ANKRD49: variants seen among roughly 807,000 people sequenced by gnomAD.
The protein encoded by ANKRD49 is ankyrin repeat domain 49.
ANKRD49 carries 18 observed loss-of-function variants against 19.6 expected under a neutral mutation model. The observed-to-expected ratio is 0.92, with a 90% CI of 0.63 to 1.36. The LOEUF (loss-of-function observed/expected upper bound fraction) is 1.36. Ranked by LOEUF, ANKRD49 falls within the 40% of genes most tolerant of loss-of-function variation. The pLI, the probability that ANKRD49 is intolerant of heterozygous loss-of-function variation, is 0.00. For missense variants in ANKRD49, 218 were observed against 281.6 expected (o/e 0.77, Z 1.62); for synonymous variants, 88 against 101.8 (o/e 0.86, Z 0.82).
At chr11:94,497,852 T>C (rs1387939326) in intron 2 of ANKRD49, 2 of 477,018 alleles carry the variant, frequency 4.2e-6, no homozygotes, top group Non-Finnish European at 7.4e-6. Flanking sequence ...AATCTCATTC[T>C]TAGAAGCAAC....
intron 1 of ANKRD49, among the ~76,000 whole-genome samples, chr11:94,496,281 T>C (rs191641477): frequency 1.3e-5 from 2 of 152,334 alleles, no homozygotes; most frequent in Admixed American, 1.3e-4. Context: ...CCTGTCTTCA[T>C]TGTATTAGTT....
Position 94,496,643 on chromosome 11 carries a change from G to T in ANKRD49, c.-51G>T. ...AGCAGTCATAATTCATCTCTAGAAAGATTTATATCCTGGCATTTGAAATGC... is the reference window on the plus strand; with the variant it reads ...AGCAGTCATAATTCATCTCTAGAAATATTTATATCCTGGCATTTGAAATGC... On this transcript the variant is annotated 5_prime_UTR_variant, in exon 2 of 3. Transcript: ENST00000544612. 6.8e-7 allele frequency: 1 copy of T among 1,467,756 alleles called. No homozygotes were observed. Among genetic ancestry groups the T allele is most frequent in the South Asian group, 1.4e-5 (1 of 73,252 alleles). 90.9% of individuals were successfully genotyped at this position (1,467,756 alleles called of 1,614,324 possible).
chr11:94,495,122 A>G (rs1246031865), intron 1 of ANKRD49, among the ~76,000 whole-genome samples: 1 of 152,212 alleles, frequency 6.6e-6, no homozygotes, highest in Admixed American at 6.5e-5. Context: ...GTTACTGGAC[A>G]TGAGTAATAC....
In ANKRD49 at chr11:94,495,784, G is replaced by T. The variant is rs1250344033; in HGVS notation, c.-90-820G>T. On this transcript the variant is annotated intron_variant, in intron 1 of 2. Transcript: ENST00000544612. Reference sequence around the variant, plus strand: ...TGTATACTCATGGTTTCTAGACAAGGTCTTGTAGTAGTACTTATCATGTTG... The same window carrying T: ...TGTATACTCATGGTTTCTAGACAAGTTCTTGTAGTAGTACTTATCATGTTG... Among the ~76,000 whole-genome samples, 4 of 152,098 alleles carry T rather than the reference G, an allele frequency of 2.6e-5. No individual in the cohort carries two copies. The East Asian group carries it at 7.7e-4, about 29-fold the overall frequency.
At chr11:94,497,763 A>G in intron 2 of ANKRD49, 1 of 269,162 alleles carries the variant, frequency 3.7e-6, no homozygotes, top group Non-Finnish European at 7.0e-6. Flanking sequence ...CAGAAAGCCT[A>G]TGTTATTCAT....
intron 1 of ANKRD49, among the ~76,000 whole-genome samples, chr11:94,496,145 G>A (rs1478687775): frequency 6.6e-6 from 1 of 152,154 alleles, no homozygotes; most frequent in African/African-American, 2.4e-5. Context: ...TGGAACAGAT[G>A]TCCTTTTGGG....
intron 1 of ANKRD49, 56 bp from the exon 2 acceptor site, chr11:94,496,548 A>G: frequency 1.4e-6 from 1 of 713,836 alleles, no homozygotes; most frequent in Non-Finnish European, 2.3e-6. Context: ...TTATCTATGC[A>G]GTTGATAAAG....
At chr11:94,497,645 A>G (rs1313160267) in intron 2 of ANKRD49, 1 of 158,294 alleles carries the variant, frequency 6.3e-6, no homozygotes, top group Non-Finnish European at 1.4e-5. Context: ...TTCTTCTGTT[A>G]AAAGTTTTAT....
rs1000951914 is a variant in ANKRD49, at chr11:94,493,994, C to A, written c.-132C>A. 1 of 152,344 alleles carries A rather than the reference C, an allele frequency of 6.6e-6. No homozygotes were observed. Among genetic ancestry groups the A allele is most frequent in the African/African-American group, 2.4e-5 (1 of 41,464 alleles). 9.4% of individuals were successfully genotyped at this position (152,344 alleles called of 1,614,324 possible). On this transcript the variant is annotated 5_prime_UTR_variant, in exon 1 of 3. Transcript: ENST00000544612. ...AATCCTGAGCAGGCTAGGAGACGAA[C>A]CCGGAAGTGAGATGCAAGGCGGCGA...
At chr11:94,496,240 G>A (rs1947416386) in intron 1 of ANKRD49, among the ~76,000 whole-genome samples, 1 of 152,120 alleles carries the variant, frequency 6.6e-6, no homozygotes, top group African/African-American at 2.4e-5. Context: ...TATATTATCT[G>A]TGTGTCTAGT....
In ANKRD49 at chr11:94,498,818, T is replaced by G. The variant is rs1411869446; in HGVS notation, c.*286T>G. 11 of 366,020 alleles carry G rather than the reference T, an allele frequency of 3.0e-5. No homozygotes were observed. The Admixed American group carries it at 3.1e-4, about 10-fold the overall frequency. 22.7% of individuals were successfully genotyped at this position (366,020 alleles called of 1,614,324 possible). A position where few individuals can be genotyped will look rare whatever the true frequency, so the allele number is the denominator to read the frequency against. On this transcript the variant is annotated 3_prime_UTR_variant, in exon 3 of 3. Coordinates refer to ENST00000544612, the MANE Select transcript of ANKRD49 (RefSeq NM_017704.3). ...CGGGTTGTACAGAAACTGGTATTTT[T>G]GGTGCTGATACAAGAGAAATGTATT...
Position 94,498,663 on chromosome 11 carries a change from A to G in ANKRD49, c.*131A>G. On this transcript the variant is annotated 3_prime_UTR_variant, in exon 3 of 3. Coordinates refer to ENST00000544612, the MANE Select transcript of ANKRD49 (RefSeq NM_017704.3). Reference sequence around the variant, plus strand: ...TGACATTCATTATAACATTCTTCCAAGTGAATTGCCTGACTTTGATGTCAA... The same window carrying G: ...TGACATTCATTATAACATTCTTCCAGGTGAATTGCCTGACTTTGATGTCAA... 1 of 767,884 alleles carries G rather than the reference A, an allele frequency of 1.3e-6. No homozygotes were observed. The allele number at this position is 767,884 out of a possible 1,614,324, so 47.6% of individuals were successfully genotyped here.
At position 94,499,516 on chromosome 11, in the gene ANKRD49, G is replaced by C. The variant is rs1947461808; in HGVS notation, c.*984G>C. On this transcript the variant is annotated 3_prime_UTR_variant, in exon 3 of 3. Transcript: ENST00000544612. Reference sequence around the variant, plus strand: ...CAGGCTTTAAAAAAAAAACACTGTGGATAATGACAAAAAGCATAAGTAAAA... The same window carrying C: ...CAGGCTTTAAAAAAAAAACACTGTGCATAATGACAAAAAGCATAAGTAAAA... 6.6e-6 allele frequency: 1 copy of C among 152,072 alleles called. No individual in the cohort carries two copies. Among genetic ancestry groups the C allele is most frequent in the Non-Finnish European group, 1.5e-5 (1 of 68,012 alleles). The allele number at this position is 152,072 out of a possible 1,614,324, so 9.4% of individuals were successfully genotyped here.
chr11:94,497,698 T>C (rs1947435374), intron 2 of ANKRD49: 1 of 184,982 alleles, frequency 5.4e-6, no homozygotes, highest in African/African-American at 2.4e-5. Flanking sequence ...GTGATAATCC[T>C]ACAGAAAAAT....
rs747582559 is a variant in ANKRD49 at position 94,496,892 on chromosome 11, G to C, written c.199G>C (p.Glu67Gln). Reference protein sequence around the residue: ...DKNEEWYRLQEKKMEKDPSRL... With the variant: ...DKNEEWYRLQQKKMEKDPSRL... ...AAATGAAGAGTGGTATCGATTGCAA[G>C]AAAAAAAAATGGAAAAAGACCCAAG... The change falls in exon 2 of 3, where the codon GAA becomes CAA. Residue 67 changes from glutamate to glutamine, a missense_variant. Physicochemically the swap from Glu to Gln is conservative, Grantham distance 29 (BLOSUM62 2). Transcript: ENST00000544612. 4.4e-6 allele frequency: 7 copies of C among 1,599,604 alleles called. No homozygotes were observed. Among genetic ancestry groups the C allele is most frequent in the Non-Finnish European group, 5.1e-6 (6 of 1,171,132 alleles).
Position 94,496,760 on chromosome 11 carries a change from C to T in ANKRD49, c.67C>T (p.His23Tyr), listed in dbSNP as rs1322092649. 6.2e-7 allele frequency: 1 copy of T among 1,612,380 alleles called. No individual in the cohort carries two copies. The highest frequency in any genetic ancestry group is 8.5e-7 in the Non-Finnish European group (1 of 1,179,508). The change falls in exon 2 of 3, where the codon CAC (histidine) becomes TAC (tyrosine). Residue 23 changes from histidine (H) to tyrosine (Y), a missense_variant. Physicochemically the swap from His to Tyr is moderately conservative, Grantham distance 83 (BLOSUM62 2). Coordinates refer to ENST00000544612, the MANE Select transcript of ANKRD49 (RefSeq NM_017704.3). ...DQENSLDFSE[H>Y]FNQLELLETH... ...AGAGAATTCCTTGGATTTTTCTGAA[C>T]ACTTTAACCAACTTGAATTGTTGGA...
rs1404876461 is a variant in ANKRD49 at position 94,499,333 on chromosome 11, T to C, written c.*801T>C. 3 of 152,592 alleles carry C rather than the reference T, an allele frequency of 2.0e-5. No individual in the cohort carries two copies. The highest frequency in any genetic ancestry group is 2.0e-4 in the Admixed American group (3 of 15,266). The allele number at this position is 152,592 out of a possible 1,614,324, so 9.5% of individuals were successfully genotyped here. On this transcript the variant is annotated 3_prime_UTR_variant, in exon 3 of 3. Transcript: ENST00000544612. ...GTTTTACCTGCCTAATCCTACTGATTTGGGCACTGCTTGTATAGTCTCTCA... is the reference window on the plus strand; with the variant it reads ...GTTTTACCTGCCTAATCCTACTGATCTGGGCACTGCTTGTATAGTCTCTCA...
chr11:94,497,256 T>C (rs1409985347), intron 2 of ANKRD49: 6 of 506,166 alleles, frequency 1.2e-5, no homozygotes, highest in Admixed American at 3.6e-5. Context: ...AAACTAACTA[T>C]ACCAGGTACC....
At chr11:94,496,039 T>C (rs1286313795) in intron 1 of ANKRD49, among the ~76,000 whole-genome samples, 1 of 152,182 alleles carries the variant, frequency 6.6e-6, no homozygotes, top group Non-Finnish European at 1.5e-5. Context: ...GACTACTTTT[T>C]AAAGCAGTGA....
Sources: allele counts gnomAD v4.1 joint callset (sites outside exome capture counted in the v4.1 genomes callset), GRCh38; gene constraint gnomAD v4.1.1; transcripts MANE v1.5; gene names NCBI Gene and HGNC (gene_info 2026-07-23, HGNC 2026-07-21).